MDGA2: variants seen among roughly 807,000 people sequenced by gnomAD.
MDGA2 encodes the protein MAM domain-containing glycosylphosphatidylinositol anchor protein 2.
In MDGA2, 40 loss-of-function variants were observed where a neutral mutation model predicts 117.8. That is an observed-to-expected ratio of 0.34 (90% confidence interval 0.26 to 0.44). MDGA2 has a LOEUF of 0.44. Among genes scored for constraint, MDGA2 ranks in the 20% least tolerant of loss-of-function variants. The pLI is 1.00. For synonymous variants in MDGA2, 452 were observed against 439.0 expected (o/e 1.03, Z -0.37); for missense variants, 1,123 against 1,250.6 (o/e 0.90, Z 1.54).
intron 1 of MDGA2, among the ~76,000 whole-genome samples, chr14:47,552,969 A>G (rs937355539): frequency 2.6e-5 from 4 of 152,090 alleles, no homozygotes; most frequent in Non-Finnish European, 5.9e-5. Flanking sequence ...TATTTACTCA[A>G]ATATTACCCT....
chr14:46,863,631 G>A (rs1036028711), intron 14 of MDGA2, among the ~76,000 whole-genome samples: 1 of 152,114 alleles, frequency 6.6e-6, no homozygotes, highest in Non-Finnish European at 1.5e-5. Flanking sequence ...TAATTATACT[G>A]AAAATTAGAC....
chr14:46,901,022 AG>A (rs1883262935), intron 10 of MDGA2, among the ~76,000 whole-genome samples: 1 of 152,140 alleles, frequency 6.6e-6, no homozygotes, highest in South Asian at 2.1e-4. Flanking sequence ...GATTTTAAAA[AG>A]AAAAAAAACA....
intron 3 of MDGA2, among the ~76,000 whole-genome samples, chr14:47,159,393 C>A (rs1883538577): frequency 6.6e-6 from 1 of 152,144 alleles, no homozygotes; most frequent in South Asian, 2.1e-4. Context: ...ATCCTCCCCA[C>A]CCTTTTAAAA....
At chr14:47,332,064 C>T (rs1281887907) in intron 1 of MDGA2, among the ~76,000 whole-genome samples, 1 of 152,002 alleles carries the variant, frequency 6.6e-6, no homozygotes, top group Non-Finnish European at 1.5e-5. Context: ...CAGGATATGT[C>T]TATGCACACA....
At chr14:47,076,918 C>T (rs1202293021) in intron 6 of MDGA2, among the ~76,000 whole-genome samples, 2 of 152,026 alleles carry the variant, frequency 1.3e-5, no homozygotes, top group Non-Finnish European at 2.9e-5. Context: ...GAAAATATTT[C>T]CTTATGTGAA....
intron 1 of MDGA2, among the ~76,000 whole-genome samples, chr14:47,391,377 T>A (rs1275603496): frequency 6.6e-6 from 1 of 152,190 alleles, no homozygotes; most frequent in Admixed American, 6.5e-5. Flanking sequence ...TAGGAATCAG[T>A]TTCTGTGAAT....
chr14:46,848,553 A>G (rs1880932800), intron 15 of MDGA2, among the ~76,000 whole-genome samples: 1 of 151,922 alleles, frequency 6.6e-6, no homozygotes, highest in African/African-American at 2.4e-5. Context: ...GGATTAAACA[A>G]TCCTCCTTTT....
intron 1 of MDGA2, among the ~76,000 whole-genome samples, chr14:47,551,061 G>T (rs1320707110): frequency 6.6e-6 from 1 of 152,036 alleles, no homozygotes; most frequent in Non-Finnish European, 1.5e-5. Context: ...AAAGGTGAAA[G>T]TACTTATTAA....
intron 2 of MDGA2, among the ~76,000 whole-genome samples, chr14:47,227,308 G>T (rs1157754701): frequency 2.0e-5 from 3 of 151,984 alleles, no homozygotes; most frequent in Non-Finnish European, 4.4e-5. Context: ...GATTATTGTG[G>T]GATATGAAAG....
At chr14:47,283,630 C>A (rs1009415514) in intron 2 of MDGA2, among the ~76,000 whole-genome samples, 4 of 152,168 alleles carry the variant, frequency 2.6e-5, no homozygotes, top group African/African-American at 9.7e-5. Flanking sequence ...AAATTTAAAT[C>A]TTTTTGATGC....
At chr14:47,142,444 AAAACAAACAAACAAAC>A (rs150897627) in intron 4 of MDGA2, among the ~76,000 whole-genome samples, 1 of 150,702 alleles carries the variant, frequency 6.6e-6, no homozygotes, top group Admixed American at 6.6e-5. Context: ...CTCCATCTCA[AAAACAAACAAACAAAC>A]AAACAAACAA....
rs369503408 is a variant in MDGA2, at chr14:46,842,823, T to C, written c.2990-804A>G. On this transcript the variant is annotated intron_variant, in intron 16 of 16. Coordinates refer to ENST00000399232, the MANE Select transcript of MDGA2 (RefSeq NM_001113498.3). ...GCATGGTGTGGACCATAGTTCCATTTATTGCCTGGAAAGAACTGGCAGCCT... is the reference window on the plus strand; with the variant it reads ...GCATGGTGTGGACCATAGTTCCATTCATTGCCTGGAAAGAACTGGCAGCCT... 2.2e-4 allele frequency among the ~76,000 whole-genome samples: 34 copies of C among 152,370 alleles called. 3 individuals carry two copies. In the South Asian group the frequency reaches 7.0e-3, roughly 32 times the overall value.
chr14:46,942,979 C>T (rs1299170528), intron 9 of MDGA2, among the ~76,000 whole-genome samples: 5 of 152,066 alleles, frequency 3.3e-5, no homozygotes, highest in South Asian at 2.1e-4. Flanking sequence ...CTATCAATCA[C>T]GAATAAATGG....
At chr14:47,603,077 G>A (rs924173780) in intron 1 of MDGA2, among the ~76,000 whole-genome samples, 2 of 152,046 alleles carry the variant, frequency 1.3e-5, no homozygotes, top group Non-Finnish European at 2.9e-5. Context: ...CCAATTTAGG[G>A]GTTTAAATTG....
At chr14:47,672,912 C>T (rs1381112672) in intron 1 of MDGA2, among the ~76,000 whole-genome samples, 1 of 152,126 alleles carries the variant, frequency 6.6e-6, no homozygotes, top group Admixed American at 6.5e-5. Flanking sequence ...GTCAGTCAAA[C>T]CTTGAGGTCT....
intron 9 of MDGA2, among the ~76,000 whole-genome samples, chr14:46,943,780 T>C (rs1428547959): frequency 2.0e-5 from 3 of 152,108 alleles, no homozygotes; most frequent in Non-Finnish European, 4.4e-5. Context: ...TGGAGATTGA[T>C]TGGCAGACTT....
At chr14:47,541,072 A>C (rs1895343761) in intron 1 of MDGA2, among the ~76,000 whole-genome samples, 1 of 152,342 alleles carries the variant, frequency 6.6e-6, no homozygotes, top group Non-Finnish European at 1.5e-5. Context: ...AAAAATTCAA[A>C]TCCACCTAGA....
In MDGA2 at chr14:47,249,238, C is replaced by T. The variant is rs184166996; in HGVS notation, c.421-31043G>A. Among the ~76,000 whole-genome samples, 156 of 151,864 alleles carry T rather than the reference C, an allele frequency of 1.0e-3. 1 individual carries two copies. The highest frequency in any genetic ancestry group is 3.7e-3 in the African/African-American group (152 of 41,400). Reference sequence around the variant, plus strand: ...TTCACCATGTTAGCCAAGATGGTCTCGATCTCTTGACCTCGTGATCTGCCC... The same window carrying T: ...TTCACCATGTTAGCCAAGATGGTCTTGATCTCTTGACCTCGTGATCTGCCC... On this transcript the variant is annotated intron_variant, in intron 2 of 16. Transcript: ENST00000399232.
chr14:47,211,448 C>A lies in MDGA2; in HGVS notation c.595+6573G>T, dbSNP rs565196677. ...TTTCCCGCCTTAATTTTCATAGGAA[C>A]AATGTGTTGGGCAGCCCAGGTGAAT... On this transcript the variant is annotated intron_variant, in intron 3 of 16. Transcript: ENST00000399232. Among the ~76,000 whole-genome samples, 8 of 152,244 alleles carry A rather than the reference C, an allele frequency of 5.3e-5. No homozygotes were observed. In the South Asian group the frequency reaches 1.4e-3, roughly 28 times the overall value.
Sources: gnomAD v4.1 joint callset for allele counts (sites outside exome capture counted in the v4.1 genomes callset) on GRCh38, gnomAD v4.1.1 for gene constraint, MANE v1.5 for transcripts, NCBI Gene and HGNC (gene_info 2026-07-23, HGNC 2026-07-21) for gene names.